CASZ1: variants seen among roughly 807,000 people sequenced by gnomAD.
CASZ1 encodes castor zinc finger 1.
A neutral mutation model predicts 135.2 loss-of-function variants in CASZ1; 28 were observed. That is an observed-to-expected ratio of 0.21 (90% confidence interval 0.15 to 0.28). CASZ1 has a LOEUF of 0.28. Among genes scored for constraint, CASZ1 ranks in the 10% least tolerant of loss-of-function variants. CASZ1 has a pLI of 1.00. For synonymous variants in CASZ1, 1,068 were observed against 1,073.4 expected (o/e 0.99, Z 0.10); for missense variants, 2,161 against 2,453.3 (o/e 0.88, Z 2.52).
intron 4 of CASZ1, among the ~76,000 whole-genome samples, chr1:10,687,886 G>A (rs971545034): frequency 2.6e-5 from 4 of 152,124 alleles, no homozygotes; most frequent in Non-Finnish European, 4.4e-5. Flanking sequence ...TCCCAGCCTC[G>A]CTCCTTCCTG....
chr1:10,743,483 C>T (rs554619654), intron 2 of CASZ1, among the ~76,000 whole-genome samples: 236 of 149,962 alleles, frequency 1.6e-3, no homozygotes, highest in Non-Finnish European at 2.7e-3. Context: ...GCATCCTCCA[C>T]GTAGAGACCT....
chr1:10,755,471 C>T lies in CASZ1; in HGVS notation c.-77+5230G>A, dbSNP rs949038057. 6.6e-6 allele frequency among the ~76,000 whole-genome samples: 1 copy of T among 152,162 alleles called. No individual in the cohort carries two copies. The highest frequency in any genetic ancestry group is 6.5e-5 in the Admixed American group (1 of 15,284). ...CTCTTCGTCCACCACACCGCGTCAA[C>T]CCTCCCAAATCCACGGGTTGTCCCA... On this transcript the variant is annotated intron_variant, in intron 2 of 20. Coordinates refer to ENST00000377022, the MANE Select transcript of CASZ1 (RefSeq NM_001079843.3). This position sits in a 1 kb window ranked among gnomAD's most constrained non-coding sequence, Gnocchi z 4.3.
intron 2 of CASZ1, among the ~76,000 whole-genome samples, chr1:10,722,417 G>C (rs542190251): frequency 3.3e-5 from 5 of 152,246 alleles, no homozygotes; most frequent in African/African-American, 9.6e-5. Context: ...CGTCCCACAC[G>C]GGCCAGCGAA....
chr1:10,702,532 C>T (rs1639082359), intron 3 of CASZ1, among the ~76,000 whole-genome samples: 2 of 152,200 alleles, frequency 1.3e-5, no homozygotes, highest in Non-Finnish European at 2.9e-5. Flanking sequence ...GTTAGAGAGT[C>T]CCAAGGGCAG....
intron 1 of CASZ1, among the ~76,000 whole-genome samples, chr1:10,771,348 C>G (rs1258828151): frequency 6.6e-6 from 1 of 151,830 alleles, no homozygotes; most frequent in African/African-American, 2.4e-5. Context: ...ATTTTTGGTT[C>G]CCCGCTGTCT....
At position 10,724,145 on chromosome 1, in the gene CASZ1, C is replaced by T. The variant is rs944520826; in HGVS notation, c.-76-18601G>A. 8.5e-5 allele frequency among the ~76,000 whole-genome samples: 13 copies of T among 152,160 alleles called. No individual in the cohort carries two copies. Among genetic ancestry groups the T allele is most frequent in the Non-Finnish European group, 1.3e-4 (9 of 68,028 alleles). On this transcript the variant is annotated intron_variant, in intron 2 of 20. Transcript: ENST00000377022. This position sits in a 1 kb window ranked among gnomAD's most constrained non-coding sequence, Gnocchi z 4.1. ...CATCTTTGCCAAAAGAGGTGTCAGG[C>T]TAACGTTACACCAGCTTTAAAAATA... is the stretch of plus-strand genomic sequence containing the variant.
In CASZ1 at chr1:10,762,889, C is replaced by T. The variant is rs1306318863; in HGVS notation, c.-233-2032G>A. ...GTTCCAGCTATGGAAGGAAAGGGGG[C>T]TCCAGGCCCTGGTGGGACGCTCGTT... On this transcript the variant is annotated intron_variant, in intron 1 of 20. Transcript: ENST00000377022. The surrounding 1 kb of genome is among the most constrained non-coding windows in gnomAD (Gnocchi z 4.1). Among the ~76,000 whole-genome samples the T allele has an allele frequency of 6.6e-6, 1 of 152,250 alleles. No homozygotes were observed. The highest frequency in any genetic ancestry group is 1.5e-5 in the Non-Finnish European group (1 of 68,042).
Position 10,721,868 on chromosome 1 carries a change from G to A in CASZ1, c.-76-16324C>T, listed in dbSNP as rs1293351417. 1.3e-5 allele frequency among the ~76,000 whole-genome samples: 2 copies of A among 152,220 alleles called. No homozygotes were observed. The highest frequency in any genetic ancestry group is 4.8e-5 in the African/African-American group (2 of 41,456). ...TAGGAAGCAGAGGCGGGCCCATGCC[G>A]AGGGGAAGAAGAGGGGCCAGGGCAG... On this transcript the variant is annotated intron_variant, in intron 2 of 20. Coordinates refer to ENST00000377022, the MANE Select transcript of CASZ1 (RefSeq NM_001079843.3). This position sits in a 1 kb window ranked among gnomAD's most constrained non-coding sequence, Gnocchi z 5.4.
In CASZ1 at chr1:10,659,936, T is replaced by G. The variant is rs371246046; in HGVS notation, c.1106A>C (p.Lys369Thr). 6 of 1,612,398 alleles carry G rather than the reference T, an allele frequency of 3.7e-6. No homozygotes were observed. In the African/African-American group the frequency reaches 6.7e-5, roughly 18 times the overall value. Residue 369 changes from lysine (K) to threonine (T), a missense_variant, in exon 6 of 21, where the codon AAG becomes ACG. By Grantham distance (78) the Lys-to-Thr change is moderately conservative (BLOSUM62 -1). Around this residue, in one of 7 missense-constraint regions of CASZ1, gnomAD observed 590 missense variants for 609.8 expected, o/e 0.97. Coordinates refer to ENST00000377022, the MANE Select transcript of CASZ1 (RefSeq NM_001079843.3). ...MGGAIAFKTG[K>T]VGRPSKYDVR... ...GTCGTACTTGGAAGGGCGCCCCACC[T>G]TGCCTGTCTTGAAGGCGATGGCCCC...
rs201486770 is a variant in CASZ1, at chr1:10,655,639, C to A, written c.1665+10G>T. ...TGCAGCTGCCCAGTGGGCCCGGGTG[C>A]GGGAGGCACCTGCATGCAGTGATAG... On this transcript the variant is annotated intron_variant, in intron 9 of 20. Coordinates refer to ENST00000377022, the MANE Select transcript of CASZ1 (RefSeq NM_001079843.3). 3.1e-6 allele frequency: 5 copies of A among 1,607,264 alleles called. No homozygotes were observed. The Admixed American group carries it at 8.4e-5, about 27-fold the overall frequency.
At chr1:10,658,878 G>A (rs146621298) in intron 6 of CASZ1, among the ~76,000 whole-genome samples, 1,928 of 152,332 alleles carry the variant, frequency 0.013, 37 homozygotes, top group African/African-American at 0.043. Context: ...TCAGGAGGCC[G>A]CTGGCTGAGG....
chr1:10,682,277 AG>A (rs1259516653), intron 4 of CASZ1, among the ~76,000 whole-genome samples: 1 of 151,986 alleles, frequency 6.6e-6, no homozygotes, highest in Non-Finnish European at 1.5e-5. Context: ...GCTGGAGGGA[AG>A]TGGGGGGTGC....
chr1:10,795,265 C>T (rs1641043136), intron 1 of CASZ1, among the ~76,000 whole-genome samples: 1 of 152,176 alleles, frequency 6.6e-6, no homozygotes, highest in East Asian at 1.9e-4. Flanking sequence ...CCACGCTCTC[C>T]TTTGCCGTTA....
chr1:10,765,327 C>T (rs1172656637), intron 1 of CASZ1, among the ~76,000 whole-genome samples: 1 of 151,672 alleles, frequency 6.6e-6, no homozygotes, highest in Non-Finnish European at 1.5e-5. Context: ...TTTCATAAAC[C>T]ACCCGAGTGA....
intron 5 of CASZ1, chr1:10,661,302 G>C (rs975170896): frequency 3.9e-5 from 6 of 152,368 alleles, no homozygotes; most frequent in Non-Finnish European, 7.3e-5. Flanking sequence ...GGCAGGGCCT[G>C]AGTGCAGCCT....
At chr1:10,662,230 C>T (rs537736266) in intron 5 of CASZ1, among the ~76,000 whole-genome samples, 39 of 130,412 alleles carry the variant, frequency 3.0e-4, no homozygotes, top group African/African-American at 1.2e-3. Context: ...TCACATAAAA[C>T]ACACACATAC....
chr1:10,707,508 G>A lies in CASZ1; in HGVS notation c.-76-1964C>T, dbSNP rs568924992. Among the ~76,000 whole-genome samples, 1 of 152,222 alleles carries A rather than the reference G, an allele frequency of 6.6e-6. No homozygotes were observed. Among genetic ancestry groups the A allele is most frequent in the Non-Finnish European group, 1.5e-5 (1 of 68,012 alleles). On this transcript the variant is annotated intron_variant, in intron 2 of 20. Transcript: ENST00000377022. The surrounding 1 kb of genome is among the most constrained non-coding windows in gnomAD (Gnocchi z 5.0). ...CTGATCACACAGAACAATCAGGGAG[G>A]AAACTTTCCAGGAGTTGGTCGGGGG... is the stretch of plus-strand genomic sequence containing the variant.
rs772938935 is a variant in CASZ1 at position 10,639,976 on chromosome 1, G to A, written c.4246C>T (p.Arg1416Trp). The A allele has an allele frequency of 2.5e-6, 4 of 1,612,748 alleles. No individual in the cohort carries two copies. Among genetic ancestry groups the A allele is most frequent in the Admixed American group, 3.3e-5 (2 of 60,026 alleles). ...IEDMSPFGKR[R>W]KTASSRKMLD... ...ATCTTCCGGGAGGACGCCGTCTTCC[G>A]CCGCTTGCCGAAGGGCGACATGTCC... Residue 1416 changes from arginine to tryptophan, a missense_variant, in exon 21 of 21, where the codon CGG becomes TGG. Physicochemically the swap from Arg to Trp is moderately radical, Grantham distance 101. Transcript: ENST00000377022. The surrounding 1 kb of genome is among the most constrained non-coding windows in gnomAD (Gnocchi z 4.0).
At chr1:10,708,638 T>TTC (rs1182477160) in intron 2 of CASZ1, among the ~76,000 whole-genome samples, 1 of 152,142 alleles carries the variant, frequency 6.6e-6, no homozygotes, top group African/African-American at 2.4e-5. Context: ...CATCCAGCCC[T>TTC]TCTCCTGGCC....
Sources: allele counts gnomAD v4.1 joint callset (sites outside exome capture counted in the v4.1 genomes callset), GRCh38; gene constraint gnomAD v4.1.1; regional missense constraint gnomAD v4.1.1; non-coding constraint Gnocchi (gnomAD v3.1); transcripts MANE v1.5; gene names NCBI Gene and HGNC (gene_info 2026-07-23, HGNC 2026-07-21).